The following RANBP2 variants were observed in gnomAD, a reference collection of about 807,000 sequenced individuals.
The protein encoded by RANBP2 is E3 SUMO-protein ligase RanBP2.
In RANBP2, 57 loss-of-function variants were observed where a neutral mutation model predicts 303.6. That is an observed-to-expected ratio of 0.19 (90% CI 0.15 to 0.23). The LOEUF is 0.23. Among genes scored for constraint, RANBP2 ranks in the 10% least tolerant of loss-of-function variants. The pLI is 1.00. For synonymous variants in RANBP2, 1,167 were observed against 1,301.5 expected (o/e 0.90, Z 2.23); for missense variants, 3,138 against 3,780.8 (o/e 0.83, Z 4.46).
At chr2:108,932,368 A>C in the RANBP2 span, among the ~76,000 whole-genome samples, 1 of 151,736 alleles carries the variant, frequency 6.6e-6, no homozygotes, top group South Asian at 2.1e-4. Flanking sequence ...CTCTACTAAA[A>C]ATACAAAAAA....
At chr2:108,902,022 A>G in the RANBP2 span, among the ~76,000 whole-genome samples, 1 of 151,850 alleles carries the variant, frequency 6.6e-6, no homozygotes, top group Non-Finnish European at 1.5e-5. Flanking sequence ...GGTGGACCAC[A>G]AGGTCAGGAG....
the RANBP2 span, among the ~76,000 whole-genome samples, chr2:109,091,060 C>G: frequency 1.3e-5 from 2 of 151,910 alleles, no homozygotes; most frequent in African/African-American, 4.8e-5. Context: ...ACCCTGATCT[C>G]TACAAAAAAT....
At chr2:109,576,245 C>T in the RANBP2 span, among the ~76,000 whole-genome samples, 5 of 151,992 alleles carry the variant, frequency 3.3e-5, no homozygotes, top group Non-Finnish European at 4.4e-5. Flanking sequence ...TAGGTGACAA[C>T]GCAAGATTGT....
chr2:109,639,511 C>T, the RANBP2 span, among the ~76,000 whole-genome samples: 3 of 151,696 alleles, frequency 2.0e-5, no homozygotes, highest in Admixed American at 6.6e-5. Context: ...CCCAGCTACT[C>T]GGGAGGCTGA....
the RANBP2 span, among the ~76,000 whole-genome samples, chr2:109,493,790 C>T: frequency 6.6e-6 from 1 of 152,112 alleles, no homozygotes; most frequent in Admixed American, 6.6e-5. Flanking sequence ...ACCAGGCAAA[C>T]ACACATAACA....
At chr2:109,611,964 C>CAA in the RANBP2 span, among the ~76,000 whole-genome samples, 1 of 152,146 alleles carries the variant, frequency 6.6e-6, no homozygotes, top group Non-Finnish European at 1.5e-5. Flanking sequence ...TATGACCCAA[C>CAA]AATTGTATTC....
At chr2:109,695,084 A>G in the RANBP2 span, among the ~76,000 whole-genome samples, 1 of 152,144 alleles carries the variant, frequency 6.6e-6, no homozygotes, top group African/African-American at 2.4e-5. Flanking sequence ...GAGCCCACTC[A>G]GAGAGTTTTA....
chr2:109,383,811 C>T, the RANBP2 span, among the ~76,000 whole-genome samples: 3 of 152,166 alleles, frequency 2.0e-5, no homozygotes, highest in East Asian at 3.9e-4. Flanking sequence ...GGACATCAGC[C>T]GCATTTTCCA....
At chr2:108,925,556 T>A in the RANBP2 span, among the ~76,000 whole-genome samples, 1 of 152,194 alleles carries the variant, frequency 6.6e-6, no homozygotes, top group Non-Finnish European at 1.5e-5. Context: ...GTGGGGGTCA[T>A]GTGTATGGGT....
At chr2:108,893,835 A>G in the RANBP2 span, among the ~76,000 whole-genome samples, 147 of 152,274 alleles carry the variant, frequency 9.7e-4, no homozygotes, top group African/African-American at 3.3e-3. Flanking sequence ...TTGTCTCAAA[A>G]TAATTATGTA....
the RANBP2 span, chr2:109,613,686 G>A: frequency 1.4e-6 from 1 of 717,726 alleles, no homozygotes; most frequent in Non-Finnish European, 1.9e-6. Context: ...GGGGCCGGAG[G>A]GGGCGCGGGT....
intron 17 of RANBP2, among the ~76,000 whole-genome samples, chr2:108,757,025 G>A (rs1260959026): frequency 3.3e-5 from 5 of 152,142 alleles, no homozygotes; most frequent in Non-Finnish European, 5.9e-5. Context: ...TCATGGTTAG[G>A]TCTTTCTGGG....
chr2:109,232,019 A>G, the RANBP2 span, among the ~76,000 whole-genome samples: 1 of 152,176 alleles, frequency 6.6e-6, no homozygotes, highest in African/African-American at 2.4e-5. Context: ...GCCACGTTTT[A>G]TTTATCCGTT....
chr2:109,382,636 C>G, the RANBP2 span, among the ~76,000 whole-genome samples: 2 of 152,220 alleles, frequency 1.3e-5, no homozygotes, highest in Admixed American at 6.5e-5. Context: ...CCTGTCACAT[C>G]TTCAAATCCT....
chr2:109,175,165 C>G, the RANBP2 span, among the ~76,000 whole-genome samples: 1 of 152,162 alleles, frequency 6.6e-6, no homozygotes, highest in African/African-American at 2.4e-5. Flanking sequence ...CTGGTCCAGA[C>G]TAGAAATTGG....
the RANBP2 span, chr2:109,491,040 G>A: frequency 8.7e-7 from 1 of 1,147,908 alleles, no homozygotes; most frequent in Non-Finnish European, 1.2e-6. Flanking sequence ...CTGGGATTAG[G>A]TTTACCAGAT....
the RANBP2 span, among the ~76,000 whole-genome samples, chr2:109,199,391 A>G: frequency 6.8e-6 from 1 of 146,790 alleles, no homozygotes; most frequent in African/African-American, 2.5e-5. Context: ...AATGGAATGG[A>G]ATGGAATGGA....
At chr2:109,218,522 T>A in the RANBP2 span, among the ~76,000 whole-genome samples, 1 of 152,192 alleles carries the variant, frequency 6.6e-6, no homozygotes, top group Non-Finnish European at 1.5e-5. Context: ...TGGAAGGGTG[T>A]GTGGTACGGA....
At chr2:108,772,387 TC>T in intron 21 of RANBP2, 101 bp from the exon 22 acceptor site, 1 of 870,950 alleles carries the variant, frequency 1.1e-6, no homozygotes, top group Non-Finnish European at 1.9e-6. Flanking sequence ...TGGCTGCAAT[TC>T]AGATGTGGAG....
Sources: gnomAD v4.1 joint callset for allele counts (sites outside exome capture counted in the v4.1 genomes callset) on GRCh38, gnomAD v4.1.1 for gene constraint, MANE v1.5 for transcripts, NCBI Gene and HGNC (gene_info 2026-07-23, HGNC 2026-07-21) for gene names.